Variants in ATP6V0E1 observed in about 807,000 individuals in gnomAD.
The protein encoded by ATP6V0E1 is ATPase H+ transporting V0 subunit e1.
A neutral mutation model predicts 11.6 loss-of-function variants in ATP6V0E1; 4 were observed. That is an observed-to-expected ratio of 0.35 (90% CI 0.17 to 0.79). The LOEUF is 0.79. Ranked by LOEUF, ATP6V0E1 falls within the 30% of genes least tolerant of loss-of-function variation. The pLI is 0.54. For missense variants in ATP6V0E1, 105 were observed against 100.0 expected, an observed-to-expected ratio of 1.05 and a Z score of -0.21; for synonymous variants, 36 against 34.8, an observed-to-expected ratio of 1.04 and a Z score of -0.13.
At chr5:172,995,337 A>G (rs1017902790) in intron 2 of ATP6V0E1, among the ~76,000 whole-genome samples, 13 of 152,160 alleles carry the variant, frequency 8.5e-5, no homozygotes, top group Non-Finnish European at 1.6e-4. Flanking sequence ...CCTGACCTCA[A>G]GTGATCCGCC....
At chr5:173,017,489 G>A (rs1376027536) in intron 2 of ATP6V0E1, among the ~76,000 whole-genome samples, 2 of 149,186 alleles carry the variant, frequency 1.3e-5, no homozygotes, top group African/African-American at 2.5e-5. Context: ...AGCCGAGATC[G>A]TGCCATCGCA....
At chr5:172,996,762 T>C (rs992001929) in intron 2 of ATP6V0E1, among the ~76,000 whole-genome samples, 3 of 152,106 alleles carry the variant, frequency 2.0e-5, no homozygotes, top group Non-Finnish European at 4.4e-5. Flanking sequence ...ATAACACATA[T>C]GTTAACAGAA....
intron 3 of ATP6V0E1, among the ~76,000 whole-genome samples, chr5:173,027,269 C>G (rs1245880029): frequency 7.1e-6 from 1 of 140,406 alleles, no homozygotes; most frequent in East Asian, 2.1e-4. Flanking sequence ...GGGTGGATCA[C>G]GAGATCAGGA....
At chr5:173,017,691 A>G (rs1229424908) in intron 2 of ATP6V0E1, among the ~76,000 whole-genome samples, 1 of 151,830 alleles carries the variant, frequency 6.6e-6, no homozygotes. Context: ...AAATACAAAA[A>G]TTAGCTGGGG....
chr5:172,986,621 G>T, intron 1 of ATP6V0E1: 1 of 409,352 alleles, frequency 2.4e-6, no homozygotes, highest in Non-Finnish European at 4.8e-6. Flanking sequence ...GTGAGACCCT[G>T]TCTCTTCAAA....
At chr5:173,009,380 T>C (rs1756280068) in intron 2 of ATP6V0E1, among the ~76,000 whole-genome samples, 1 of 150,954 alleles carries the variant, frequency 6.6e-6, no homozygotes, top group Admixed American at 6.6e-5. Flanking sequence ...CTGGGCAACA[T>C]AGCAAGATTC....
chr5:172,989,652 G>C (rs475785), intron 1 of ATP6V0E1, among the ~76,000 whole-genome samples: 1 of 151,536 alleles, frequency 6.6e-6, no homozygotes, highest in Admixed American at 6.6e-5. Flanking sequence ...TCAGCCTTCC[G>C]AGTAGCTGGG....
At chr5:172,989,752 T>C (rs1415262455) in intron 1 of ATP6V0E1, among the ~76,000 whole-genome samples, 1 of 152,200 alleles carries the variant, frequency 6.6e-6, no homozygotes, top group Non-Finnish European at 1.5e-5. Flanking sequence ...AGTCTCAAAC[T>C]CCTGACCTCA....
chr5:173,008,995 G>C (rs565465134), intron 2 of ATP6V0E1, among the ~76,000 whole-genome samples: 34 of 151,412 alleles, frequency 2.2e-4, no homozygotes, highest in African/African-American at 7.5e-4. Context: ...GGAGGCGAAG[G>C]CTGGCAGATC....
chr5:173,034,505 T>C lies in ATP6V0E1; in HGVS notation c.*143T>C. ...AGCTGCCTTAAACGTTAACAGCACA[T>C]TTGAATGCCTTATTCTACAATGCAG... On this transcript the variant is annotated 3_prime_UTR_variant, in exon 4 of 4. Transcript: ENST00000519374. 1.4e-6 allele frequency: 1 copy of C among 698,930 alleles called. No individual in the cohort carries two copies. The highest frequency in any genetic ancestry group is 1.5e-5 in the South Asian group (1 of 67,472). 43.3% of individuals were successfully genotyped at this position (698,930 alleles called of 1,614,324 possible). A position where few individuals can be genotyped will look rare whatever the true frequency, so the allele number is the denominator to read the frequency against.
At chr5:172,999,425 G>A (rs1756119518) in intron 2 of ATP6V0E1, among the ~76,000 whole-genome samples, 1 of 151,948 alleles carries the variant, frequency 6.6e-6, no homozygotes, top group Non-Finnish European at 1.5e-5. Flanking sequence ...CTGGGCTGAA[G>A]CAATCTTCCT....
At chr5:172,992,298 G>A (rs140102623) in intron 1 of ATP6V0E1, among the ~76,000 whole-genome samples, 6,082 of 152,216 alleles carry the variant, frequency 0.04, 393 homozygotes, top group African/African-American at 0.14. Context: ...TGATCTGCCC[G>A]CCTCGGCCTC....
At chr5:173,026,611 A>C (rs2113613686) in intron 3 of ATP6V0E1, among the ~76,000 whole-genome samples, 1 of 152,348 alleles carries the variant, frequency 6.6e-6, no homozygotes, top group East Asian at 1.9e-4. Flanking sequence ...TTCACTGAAC[A>C]ATATATGCTA....
At chr5:173,018,034 TAC>T (rs972810240) in intron 2 of ATP6V0E1, among the ~76,000 whole-genome samples, 10 of 152,032 alleles carry the variant, frequency 6.6e-5, no homozygotes, top group Non-Finnish European at 1.2e-4. Flanking sequence ...TTCAAATTCA[TAC>T]ACAGTTGACC....
At chr5:172,986,828 G>T (rs1205336571) in intron 1 of ATP6V0E1, 9 of 408,342 alleles carry the variant, frequency 2.2e-5, no homozygotes, top group African/African-American at 1.9e-4. Flanking sequence ...TCACTCTGTC[G>T]CCAGGCTGGA....
At position 172,992,471 on chromosome 5, in the gene ATP6V0E1, AC is replaced by A. The variant is rs148590728; in HGVS notation, c.105-2300del. On this transcript the variant is annotated intron_variant, in intron 1 of 3. Coordinates refer to ENST00000519374, the MANE Select transcript of ATP6V0E1 (RefSeq NM_003945.4). ...TCCTTGCTCTGTGTCAGCCACACAG[AC>A]CCCTTCCTCTTTGAACTCCAGGTAC... Among the ~76,000 whole-genome samples the A allele has an allele frequency of 3.4e-3, 518 of 151,348 alleles. 5 individuals are homozygous for A. Among genetic ancestry groups the A allele is most frequent in the African/African-American group, 0.012 (489 of 41,200 alleles).
At position 172,983,960 on chromosome 5, in the gene ATP6V0E1, C is replaced by CG; in HGVS notation, c.104+1dup. On this transcript the variant is annotated frameshift_variant, in exon 1 of 4. Coordinates refer to ENST00000519374, the MANE Select transcript of ATP6V0E1 (RefSeq NM_003945.4). LOFTEE classifies it high-confidence loss of function. ...TTGGTTCATCCCTAAGGGTCCTAACCGGGGGTAAGTGCGTGAGGCCCGCCT... is the reference window on the plus strand; with the variant it reads ...TTGGTTCATCCCTAAGGGTCCTAACCGGGGGGTAAGTGCGTGAGGCCCGCCT... 1 of 1,612,474 alleles carries CG rather than the reference C, an allele frequency of 6.2e-7. No homozygotes were observed. Among genetic ancestry groups the CG allele is most frequent in the Admixed American group, 1.7e-5 (1 of 60,014 alleles).
At chr5:173,009,388 T>G (rs1325693124) in intron 2 of ATP6V0E1, among the ~76,000 whole-genome samples, 2 of 151,594 alleles carry the variant, frequency 1.3e-5, no homozygotes, top group African/African-American at 2.4e-5. Flanking sequence ...CATAGCAAGA[T>G]TCTCATCTCA....
chr5:173,016,072 C>T (rs1019039399), intron 2 of ATP6V0E1, among the ~76,000 whole-genome samples: 15 of 152,138 alleles, frequency 9.9e-5, no homozygotes, highest in African/African-American at 3.4e-4. Context: ...CTGAGCTCCG[C>T]GAGCTGCTCT....
Sources: allele counts gnomAD v4.1 joint callset (sites outside exome capture counted in the v4.1 genomes callset), GRCh38; gene constraint gnomAD v4.1.1; transcripts MANE v1.5; gene names NCBI Gene and HGNC (gene_info 2026-07-23, HGNC 2026-07-21).